DNAJC5B: variants seen among roughly 807,000 people sequenced by gnomAD.
The protein encoded by DNAJC5B is DnaJ heat shock protein family (Hsp40) member C5 beta.
In DNAJC5B, 23 loss-of-function variants were observed where a neutral mutation model predicts 24.7. The observed-to-expected ratio is 0.93, with a 90% confidence interval of 0.67 to 1.32. DNAJC5B has a LOEUF of 1.32. Among genes scored for constraint, DNAJC5B ranks in the 40% most tolerant of loss-of-function variants. DNAJC5B has a pLI of 0.00. For missense variants in DNAJC5B, 238 were observed against 240.8 expected, an observed-to-expected ratio of 0.99 and a Z score of 0.08; for synonymous variants, 101 against 90.1, an observed-to-expected ratio of 1.12 and a Z score of -0.68.
upstream of DNAJC5B, among the ~76,000 whole-genome samples, chr8:66,020,378 T>C (rs1806079458): frequency 6.6e-6 from 1 of 152,212 alleles, no homozygotes. Flanking sequence ...GTTCTCCTCT[T>C]GAGAGATTCT....
At chr8:66,038,442 T>C (rs935125519) in intron 1 of DNAJC5B, among the ~76,000 whole-genome samples, 2 of 152,228 alleles carry the variant, frequency 1.3e-5, no homozygotes, top group Non-Finnish European at 2.9e-5. Flanking sequence ...TTCAGGCCTA[T>C]GCTTTTACCA....
upstream of DNAJC5B, among the ~76,000 whole-genome samples, chr8:66,019,402 A>C (rs371221221): frequency 1.8e-3 from 271 of 152,330 alleles, 4 homozygotes; most frequent in African/African-American, 6.2e-3. Context: ...GAGATTTTTT[A>C]ATGCAGAAAG....
chr8:66,096,246 C>A (rs1384333902), intron 5 of DNAJC5B, among the ~76,000 whole-genome samples: 1 of 152,104 alleles, frequency 6.6e-6, no homozygotes, highest in Non-Finnish European at 1.5e-5. Context: ...GTAAGGACAC[C>A]AGTCCTGTTG....
At chr8:66,079,212 A>G (rs1807537593) in intron 4 of DNAJC5B, among the ~76,000 whole-genome samples, 1 of 152,110 alleles carries the variant, frequency 6.6e-6, no homozygotes, top group Non-Finnish European at 1.5e-5. Flanking sequence ...TTGTTTATTT[A>G]TTACTTTATA....
chr8:66,084,481 TA>T (rs890632640), intron 5 of DNAJC5B, among the ~76,000 whole-genome samples: 3 of 151,970 alleles, frequency 2.0e-5, no homozygotes, highest in South Asian at 2.1e-4. Context: ...TAGGATCTAA[TA>T]AAAAAAATCT....
At chr8:66,077,795 A>C (rs1185057692) in intron 4 of DNAJC5B, among the ~76,000 whole-genome samples, 1 of 152,226 alleles carries the variant, frequency 6.6e-6, no homozygotes, top group African/African-American at 2.4e-5. Context: ...GTACATCAGC[A>C]TGCAAAAGGA....
chr8:66,091,278 A>C (rs1807841052), intron 5 of DNAJC5B, among the ~76,000 whole-genome samples: 1 of 152,202 alleles, frequency 6.6e-6, no homozygotes, highest in African/African-American at 2.4e-5. Context: ...AGGTACAATA[A>C]GCCTGCCAAA....
chr8:66,060,441 T>G (rs527961575), intron 3 of DNAJC5B, among the ~76,000 whole-genome samples: 1 of 151,872 alleles, frequency 6.6e-6, no homozygotes, highest in African/African-American at 2.4e-5. Context: ...GGGAGGCCAC[T>G]GCTACCAGCT....
intron 2 of DNAJC5B, among the ~76,000 whole-genome samples, chr8:66,049,544 C>A (rs887071679): frequency 6.6e-6 from 1 of 152,106 alleles, no homozygotes; most frequent in African/African-American, 2.4e-5. Context: ...TACCATATAG[C>A]CTTGGTGTGT....
In DNAJC5B at chr8:66,051,572, AG is replaced by A; in HGVS notation, c.26del (p.Arg9AsnfsTer36). ...AATGGCATGTAACATACCTAACCAA[AG>A]ACAGCGGACTCTGTCAACAACAGGA... MACNIPNQRQRTLSTTGEA... is the reference protein window; with the variant it reads MACNIPNQXQRTLSTTGEA... On this transcript the variant is annotated frameshift_variant, in exon 3 of 6. Coordinates refer to ENST00000276570, the MANE Select transcript of DNAJC5B (RefSeq NM_033105.6). LOFTEE classifies it high-confidence loss of function. 1 of 1,613,962 alleles carries A rather than the reference AG, an allele frequency of 6.2e-7. No individual in the cohort carries two copies. The highest frequency in any genetic ancestry group is 1.6e-4 in the Middle Eastern group (1 of 6,062).
chr8:66,075,204 T>C (rs1232915769), intron 3 of DNAJC5B, among the ~76,000 whole-genome samples: 6 of 152,058 alleles, frequency 3.9e-5, no homozygotes, highest in Admixed American at 3.9e-4. Context: ...GTAGATGGGA[T>C]TACAGGTATG....
intron 5 of DNAJC5B, 120 bp from the exon 6 acceptor site, chr8:66,099,816 AT>A: frequency 1.3e-6 from 1 of 776,924 alleles, no homozygotes; most frequent in African/African-American, 1.7e-5. Flanking sequence ...AGGTATATTG[AT>A]ATCTTATGAA....
chr8:66,029,210 C>G (rs1313689658), intron 1 of DNAJC5B, among the ~76,000 whole-genome samples: 2 of 152,162 alleles, frequency 1.3e-5, no homozygotes, highest in Non-Finnish European at 2.9e-5. Context: ...ACCCTTTGCG[C>G]TGAAGGAGTG....
intron 1 of DNAJC5B, among the ~76,000 whole-genome samples, chr8:66,032,106 G>T (rs1218888955): frequency 6.6e-6 from 1 of 152,236 alleles, no homozygotes; most frequent in Non-Finnish European, 1.5e-5. Context: ...GAAGTAACTT[G>T]TCTAAGGCAG....
chr8:66,036,792 A>G (rs954732470), intron 1 of DNAJC5B, among the ~76,000 whole-genome samples: 1 of 152,180 alleles, frequency 6.6e-6, no homozygotes, highest in African/African-American at 2.4e-5. Context: ...TGAATTGAAT[A>G]TGTATTCATT....
At chr8:66,056,122 C>T (rs1806957351) in intron 3 of DNAJC5B, among the ~76,000 whole-genome samples, 1 of 152,142 alleles carries the variant, frequency 6.6e-6, no homozygotes, top group South Asian at 2.1e-4. Flanking sequence ...AATCCCAGGT[C>T]ACAGCAGCAG....
intron 3 of DNAJC5B, 147 bp downstream of exon 3, chr8:66,051,813 AG>A: frequency 1.5e-6 from 1 of 647,002 alleles, no homozygotes; most frequent in South Asian, 1.9e-5. Flanking sequence ...CATAGGAGTT[AG>A]GAATGGAAAG....
chr8:66,029,798 A>AT (rs1435547571), intron 1 of DNAJC5B, among the ~76,000 whole-genome samples: 1 of 152,158 alleles, frequency 6.6e-6, no homozygotes, highest in African/African-American at 2.4e-5. Flanking sequence ...ATGCCACAGT[A>AT]TCACTTCCTG....
chr8:66,080,681 A>G, intron 5 of DNAJC5B, 133 bp downstream of exon 5: 1 of 744,362 alleles, frequency 1.3e-6, no homozygotes, highest in Non-Finnish European at 2.1e-6. Context: ...ACAGACTGTC[A>G]GCTTTGGTAC....
Sources: allele counts gnomAD v4.1 joint callset (sites outside exome capture counted in the v4.1 genomes callset), GRCh38; gene constraint gnomAD v4.1.1; transcripts MANE v1.5; gene names NCBI Gene and HGNC (gene_info 2026-07-23, HGNC 2026-07-21).